Variants in PRKD1 observed in about 807,000 individuals in gnomAD.
The protein encoded by PRKD1 is protein kinase D1, also known as serine/threonine-protein kinase D1.
Under a neutral mutation model 95.9 loss-of-function variants are expected in PRKD1, and 63 were observed. That is an observed-to-expected ratio of 0.66 (90% CI 0.54 to 0.81). The LOEUF is 0.81. Among genes scored for constraint, PRKD1 ranks in the 30% least tolerant of loss-of-function variants. The pLI, the probability that PRKD1 is intolerant of heterozygous loss-of-function variation, is 0.00. For synonymous variants in PRKD1, 425 were observed against 423.1 expected (o/e 1.00, Z -0.05); for missense variants, 1,048 against 1,165.3 (o/e 0.90, Z 1.47).
At chr14:29,649,420 C>T (rs1406472031) in intron 4 of PRKD1, among the ~76,000 whole-genome samples, 1 of 148,962 alleles carries the variant, frequency 6.7e-6, no homozygotes, top group East Asian at 2.0e-4. Flanking sequence ...GTTTTTGTTA[C>T]AAGTTTTTCT....
chr14:29,822,255 A>C (rs1890943011), intron 1 of PRKD1, among the ~76,000 whole-genome samples: 1 of 152,196 alleles, frequency 6.6e-6, no homozygotes, highest in African/African-American at 2.4e-5. Flanking sequence ...TGACAGATCA[A>C]GTTTAGTAGC....
In PRKD1 at chr14:29,927,454, G is replaced by T; in HGVS notation, c.59C>A (p.Ala20Asp). The T allele has an allele frequency of 7.6e-7, 1 of 1,307,222 alleles. No homozygotes were observed. Among genetic ancestry groups the T allele is most frequent in the Non-Finnish European group, 9.7e-7 (1 of 1,032,134 alleles). The allele number at this position is 1,307,222 out of a possible 1,614,324, so 81.0% of individuals were successfully genotyped here. A position where few individuals can be genotyped will look rare whatever the true frequency, so the allele number is the denominator to read the frequency against. ...PSPLLPVAAAAAAAAAALVPG... is the reference protein window; with the variant it reads ...PSPLLPVAAADAAAAAALVPG... ...GACCAGTGCGGCGGCCGCTGCGGCAGCTGCCGCCGCCACGGGCAGCAGCGG... is the reference window on the plus strand; with the variant it reads ...GACCAGTGCGGCGGCCGCTGCGGCATCTGCCGCCGCCACGGGCAGCAGCGG... Residue 20 changes from alanine (A) to aspartate (D), a missense_variant, in exon 1 of 18, where the codon GCT (alanine) becomes GAT (aspartate). Around this residue, in one of 3 missense-constraint regions of PRKD1, gnomAD observed 34 missense variants for 54.8 expected, o/e 0.62. Coordinates refer to ENST00000331968, the MANE Select transcript of PRKD1 (RefSeq NM_002742.3).
chr14:29,734,087 G>T (rs1469048211), intron 1 of PRKD1, among the ~76,000 whole-genome samples: 1 of 117,882 alleles, frequency 8.5e-6, no homozygotes, highest in African/African-American at 3.4e-5. Flanking sequence ...CTGTCACTCA[G>T]GCTGGAGTGC....
chr14:29,865,907 C>T (rs939167093), intron 1 of PRKD1, among the ~76,000 whole-genome samples: 1 of 152,108 alleles, frequency 6.6e-6, no homozygotes, highest in African/African-American at 2.4e-5. Context: ...CCATTAACTT[C>T]CATACATCTG....
At chr14:29,769,293 G>C (rs115239625) in intron 1 of PRKD1, among the ~76,000 whole-genome samples, 1 of 151,994 alleles carries the variant, frequency 6.6e-6, no homozygotes, top group South Asian at 2.1e-4. Flanking sequence ...TGCCAGCCAG[G>C]TGTGGTGGCT....
rs377172694 is a variant in PRKD1 at position 29,717,876 on chromosome 14, G to C, written c.403+7660C>G. On this transcript the variant is annotated intron_variant, in intron 2 of 17. Transcript: ENST00000331968. ...TTTCTTCCCTCTGCCTTGATATTTAGGGGTGCTTGAGGAAAAATAGATGGA... is the reference window on the plus strand; with the variant it reads ...TTTCTTCCCTCTGCCTTGATATTTACGGGTGCTTGAGGAAAAATAGATGGA... Among the ~76,000 whole-genome samples, 112 of 152,192 alleles carry C rather than the reference G, an allele frequency of 7.4e-4. 2 individuals carry two copies. The highest frequency in any genetic ancestry group is 2.6e-3 in the African/African-American group (106 of 41,522).
chr14:29,859,231 G>A (rs1892616413), intron 1 of PRKD1, among the ~76,000 whole-genome samples: 1 of 152,166 alleles, frequency 6.6e-6, no homozygotes, highest in African/African-American at 2.4e-5. Flanking sequence ...CAGCACTTTG[G>A]GAGGCCGAGG....
intron 1 of PRKD1, among the ~76,000 whole-genome samples, chr14:29,900,526 A>C (rs1894285233): frequency 6.6e-6 from 1 of 152,232 alleles, no homozygotes; most frequent in African/African-American, 2.4e-5. Flanking sequence ...GAGTAAAATA[A>C]ATTACCAACA....
At chr14:29,835,633 C>T (rs1412608445) in intron 1 of PRKD1, among the ~76,000 whole-genome samples, 3 of 152,060 alleles carry the variant, frequency 2.0e-5, no homozygotes, top group South Asian at 2.1e-4. Context: ...TGCAGTGGCG[C>T]GATCTTGGCT....
chr14:29,893,217 C>G (rs45554741), intron 1 of PRKD1, among the ~76,000 whole-genome samples: 2,267 of 151,866 alleles, frequency 0.015, 52 homozygotes, highest in African/African-American at 0.047. Flanking sequence ...TTCATTACAA[C>G]AAAAATTTTA....
chr14:29,651,386 A>T (rs1343584282), intron 4 of PRKD1, among the ~76,000 whole-genome samples: 4 of 152,204 alleles, frequency 2.6e-5, no homozygotes, highest in Non-Finnish European at 4.4e-5. Flanking sequence ...CTCATCTTAC[A>T]TTTCACTATA....
At chr14:29,794,284 T>C (rs1045331755) in intron 1 of PRKD1, among the ~76,000 whole-genome samples, 2 of 151,160 alleles carry the variant, frequency 1.3e-5, no homozygotes, top group Non-Finnish European at 2.9e-5. Flanking sequence ...TTTTAAAGTA[T>C]AAAATATGCA....
At chr14:29,609,090 G>C (rs1276788071) in intron 13 of PRKD1, among the ~76,000 whole-genome samples, 1 of 152,092 alleles carries the variant, frequency 6.6e-6, no homozygotes, top group African/African-American at 2.4e-5. Context: ...TAACTCACTG[G>C]ACTCCGAGGA....
At chr14:29,768,411 T>C (rs1338357732) in intron 1 of PRKD1, among the ~76,000 whole-genome samples, 1 of 152,222 alleles carries the variant, frequency 6.6e-6, no homozygotes, top group Non-Finnish European at 1.5e-5. Context: ...TAACTGCTCA[T>C]TCAGTTTCAT....
intron 1 of PRKD1, among the ~76,000 whole-genome samples, chr14:29,816,920 T>C (rs763385347): frequency 2.0e-5 from 3 of 152,200 alleles, no homozygotes; most frequent in Non-Finnish European, 2.9e-5. Flanking sequence ...ATAAACTATC[T>C]ATATTTGCAG....
intron 1 of PRKD1, among the ~76,000 whole-genome samples, chr14:29,813,780 A>G (rs897403303): frequency 2.0e-5 from 3 of 152,190 alleles, no homozygotes; most frequent in African/African-American, 4.8e-5. Context: ...TTACACATCC[A>G]ATTACTATAT....
intron 2 of PRKD1, among the ~76,000 whole-genome samples, chr14:29,682,284 G>A (rs1883582280): frequency 6.6e-6 from 1 of 152,152 alleles, no homozygotes; most frequent in Non-Finnish European, 1.5e-5. Context: ...GTTACAGTGG[G>A]TATACTGAAC....
chr14:29,590,189 T>C (rs1025718452), intron 16 of PRKD1, among the ~76,000 whole-genome samples: 19 of 152,224 alleles, frequency 1.2e-4, no homozygotes, highest in African/African-American at 3.9e-4. Context: ...CACAGATAGT[T>C]TGAGAAGAAT....
chr14:29,777,554 T>C lies in PRKD1; in HGVS notation c.265-51880A>G, dbSNP rs10135414. Among the ~76,000 whole-genome samples the C allele has an allele frequency of 5.2e-3, 790 of 152,282 alleles. 8 individuals are homozygous for C. The highest frequency in any genetic ancestry group is 0.016 in the African/African-American group (679 of 41,558). Reference sequence around the variant, plus strand: ...GATCAAAAGAGACAAAGAAGGTCATTACATAATGGTAAAGGGATCAATTCA... The same window carrying C: ...GATCAAAAGAGACAAAGAAGGTCATCACATAATGGTAAAGGGATCAATTCA... On this transcript the variant is annotated intron_variant, in intron 1 of 17. Coordinates refer to ENST00000331968, the MANE Select transcript of PRKD1 (RefSeq NM_002742.3).
Sources: gnomAD v4.1 joint callset for allele counts (sites outside exome capture counted in the v4.1 genomes callset) on GRCh38, gnomAD v4.1.1 for gene constraint, gnomAD v4.1.1 regional missense constraint, MANE v1.5 for transcripts, NCBI Gene and HGNC (gene_info 2026-07-23, HGNC 2026-07-21) for gene names.